Variants in ESRRB observed in about 807,000 individuals in gnomAD.
ESRRB encodes the protein estrogen related receptor beta.
ESRRB carries 16 observed loss-of-function variants against 46.0 expected under a neutral mutation model. The observed-to-expected ratio is 0.35, with a 90% CI of 0.24 to 0.53. ESRRB has a LOEUF of 0.53. ESRRB is among the 20% of genes least tolerant of loss of function. The pLI, the probability that ESRRB is intolerant of heterozygous loss-of-function variation, is 0.93. For missense variants in ESRRB, 488 were observed against 607.4 expected (o/e 0.80, Z 2.07); for synonymous variants, 246 against 259.6 (o/e 0.95, Z 0.50).
intron 1 of ESRRB, among the ~76,000 whole-genome samples, chr14:76,364,169 C>T (rs756766096): frequency 6.6e-6 from 1 of 152,132 alleles, no homozygotes; most frequent in African/African-American, 2.4e-5. Context: ...AGTGAAAATG[C>T]TATGGTTTTT....
chr14:76,482,568 C>A lies in ESRRB; in HGVS notation c.689-30C>A. ...CCCGGCCCCTTTCCTCTTTTCCCAG[C>A]ATTTACCTTTCCCTCTTTGGTTGTT... On this transcript the variant is annotated intron_variant, in intron 4 of 6. Transcript: ENST00000644823. This position sits in a 1 kb window ranked among gnomAD's most constrained non-coding sequence, Gnocchi z 4.3. The A allele has an allele frequency of 6.2e-7, 1 of 1,613,928 alleles. No homozygotes were observed. Among genetic ancestry groups the A allele is most frequent in the Non-Finnish European group, 8.5e-7 (1 of 1,179,848 alleles).
At chr14:76,316,959 G>A (rs1040275752) in intron 1 of ESRRB, among the ~76,000 whole-genome samples, 1 of 152,058 alleles carries the variant, frequency 6.6e-6, no homozygotes, top group Non-Finnish European at 1.5e-5. Context: ...ACTCTGTAGG[G>A]CCCCCTGTGC....
chr14:76,476,327 T>C (rs1307221268), intron 3 of ESRRB, among the ~76,000 whole-genome samples: 1 of 152,248 alleles, frequency 6.6e-6, no homozygotes, highest in Admixed American at 6.5e-5. Flanking sequence ...TGTGACACTT[T>C]ACATTTGAGC....
At chr14:76,403,650 C>T (rs530207331) in intron 1 of ESRRB, among the ~76,000 whole-genome samples, 14 of 152,188 alleles carry the variant, frequency 9.2e-5, no homozygotes, top group South Asian at 2.1e-4. Context: ...CACGAGGCCC[C>T]GGTGCCCTCA....
intron 1 of ESRRB, among the ~76,000 whole-genome samples, chr14:76,320,524 C>G (rs1883854705): frequency 6.6e-6 from 1 of 152,226 alleles, no homozygotes. Flanking sequence ...ATTAAGGACT[C>G]TGTAGGCAGG....
chr14:76,320,774 T>A (rs1253840389), intron 1 of ESRRB, among the ~76,000 whole-genome samples: 1 of 152,100 alleles, frequency 6.6e-6, no homozygotes, highest in Non-Finnish European at 1.5e-5. Context: ...TGGTGTGAAC[T>A]GGAGAATATG....
rs5809758 is a variant in ESRRB at position 76,457,453 on chromosome 14, GTT to G, written c.461-5078_461-5077del. On this transcript the variant is annotated intron_variant, in intron 2 of 6. Coordinates refer to ENST00000644823, the MANE Select transcript of ESRRB (RefSeq NM_001379180.1). ...CATAAACTTTCTTGTAGCAGGATGA[GTT>G]TTTTTTTTTTTTTCTCATCAGTTAT... is the stretch of plus-strand genomic sequence containing the variant. Among the ~76,000 whole-genome samples the G allele has an allele frequency of 9.2e-3, 1,349 of 146,136 alleles. 16 individuals carry two copies. The highest frequency in any genetic ancestry group is 0.031 in the African/African-American group (1,220 of 39,822).
chr14:76,327,286 C>T (rs758595339), intron 1 of ESRRB, among the ~76,000 whole-genome samples: 9 of 152,216 alleles, frequency 5.9e-5, no homozygotes, highest in Non-Finnish European at 8.8e-5. Flanking sequence ...GGGGCTTGGC[C>T]AGCTTCCCCA....
intron 5 of ESRRB, among the ~76,000 whole-genome samples, chr14:76,488,724 G>A (rs1238320541): frequency 6.6e-6 from 1 of 152,150 alleles, no homozygotes; most frequent in Non-Finnish European, 1.5e-5. Flanking sequence ...CTGGGCATGT[G>A]CCTCATCAAA....
intron 1 of ESRRB, among the ~76,000 whole-genome samples, chr14:76,390,011 G>A (rs1016992699): frequency 9.2e-5 from 14 of 152,204 alleles, no homozygotes; most frequent in African/African-American, 2.9e-4. Flanking sequence ...TTTACACCAC[G>A]GAAATTGGCA....
At chr14:76,412,621 G>A (rs925669097) in intron 1 of ESRRB, among the ~76,000 whole-genome samples, 1 of 152,168 alleles carries the variant, frequency 6.6e-6, no homozygotes, top group African/African-American at 2.4e-5. Context: ...AGGTTTTGAA[G>A]GGACCAGAAT....
At chr14:76,350,495 C>G (rs892263294) in intron 1 of ESRRB, among the ~76,000 whole-genome samples, 1 of 152,168 alleles carries the variant, frequency 6.6e-6, no homozygotes, top group Non-Finnish European at 1.5e-5. Flanking sequence ...GTGACTGTTG[C>G]CAGGGCCCCA....
chr14:76,345,380 A>T (rs929275706), intron 1 of ESRRB, among the ~76,000 whole-genome samples: 1 of 152,204 alleles, frequency 6.6e-6, no homozygotes, highest in Non-Finnish European at 1.5e-5. Context: ...AAAGTGGGCT[A>T]AGGACATGAA....
At chr14:76,362,825 G>GT (rs1336104148) in intron 1 of ESRRB, among the ~76,000 whole-genome samples, 1 of 152,140 alleles carries the variant, frequency 6.6e-6, no homozygotes, top group East Asian at 1.9e-4. Flanking sequence ...GCTTGCCTAG[G>GT]TTTTTTGTTG....
chr14:76,362,722 C>T (rs917102975), intron 1 of ESRRB, among the ~76,000 whole-genome samples: 4 of 152,120 alleles, frequency 2.6e-5, no homozygotes, highest in Non-Finnish European at 2.9e-5. Flanking sequence ...ACGCATGCTC[C>T]GGGGAGACCT....
chr14:76,472,241 C>G (rs1889401361), intron 3 of ESRRB, among the ~76,000 whole-genome samples: 1 of 152,170 alleles, frequency 6.6e-6, no homozygotes, highest in Non-Finnish European at 1.5e-5. Flanking sequence ...GTTTTGGAGA[C>G]TTCTTGGCAG....
chr14:76,471,712 C>G (rs1432996901), intron 3 of ESRRB, among the ~76,000 whole-genome samples: 1 of 152,320 alleles, frequency 6.6e-6, no homozygotes, highest in East Asian at 1.9e-4. Context: ...GCTGTCATAT[C>G]CCCTTGTATG....
chr14:76,439,519 C>A lies in ESRRB; in HGVS notation c.229C>A (p.Leu77Met), dbSNP rs764336526. 1.9e-6 allele frequency: 3 copies of A among 1,613,400 alleles called. No individual in the cohort carries two copies. The Admixed American group carries it at 5.0e-5, about 27-fold the overall frequency. The change falls in exon 2 of 7, where the codon CTG (leucine) becomes ATG (methionine). Residue 77 changes from leucine to methionine, a missense_variant. Coordinates refer to ENST00000644823, the MANE Select transcript of ESRRB (RefSeq NM_001379180.1). ...GLALGTHANG[L>M]DSPPMFAGAG... is the part of the protein sequence containing the mutation. ...GGCCCTGGGCACCCACGCCAACGGT[C>A]TGGACTCGCCACCCATGTTTGCAGG... is the stretch of plus-strand genomic sequence containing the variant.
chr14:76,361,312 A>G (rs2361001), intron 1 of ESRRB, among the ~76,000 whole-genome samples: 41,537 of 151,934 alleles, frequency 0.27, 5,765 homozygotes, highest in Non-Finnish European at 0.31. Context: ...GGAGGCTGGG[A>G]TGTAAAGGGG....
Sources: gnomAD v4.1 joint callset for allele counts (sites outside exome capture counted in the v4.1 genomes callset) on GRCh38, gnomAD v4.1.1 for gene constraint, Gnocchi (gnomAD v3.1) non-coding constraint, MANE v1.5 for transcripts, NCBI Gene and HGNC (gene_info 2026-07-23, HGNC 2026-07-21) for gene names.